Variants in KIAA1671 observed in about 807,000 individuals in gnomAD.
KIAA1671 encodes the protein uncharacterized protein KIAA1671.
In KIAA1671, 52 loss-of-function variants were observed where a neutral mutation model predicts 131.2. The ratio of observed to expected loss-of-function variants is 0.40; its 90% confidence interval spans 0.32 to 0.50. KIAA1671 has a LOEUF of 0.50. KIAA1671 is among the 20% of genes least tolerant of loss of function. The pLI, the probability that KIAA1671 is intolerant of heterozygous loss-of-function variation, is 0.73. For synonymous variants in KIAA1671, 1,003 were observed against 961.6 expected (o/e 1.04, Z -0.80); for missense variants, 2,360 against 2,364.2 (o/e 1.00, Z 0.04).
At chr22:25,153,224 A>G (rs1933107811) in intron 6 of KIAA1671, among the ~76,000 whole-genome samples, 1 of 152,150 alleles carries the variant, frequency 6.6e-6, no homozygotes, top group African/African-American at 2.4e-5. Context: ...CACATCCCCC[A>G]AGAAACAATT....
chr22:25,112,818 T>G (rs1405934814), intron 6 of KIAA1671: 1 of 157,082 alleles, frequency 6.4e-6, no homozygotes, highest in East Asian at 1.8e-4. Context: ...TAGTGGCACC[T>G]GCCTCATCTC....
At chr22:25,142,795 G>C (rs1932825742) in intron 6 of KIAA1671, among the ~76,000 whole-genome samples, 1 of 152,174 alleles carries the variant, frequency 6.6e-6, no homozygotes, top group Non-Finnish European at 1.5e-5. Flanking sequence ...CTTGAACCCG[G>C]GAGGTAGAGG....
intron 1 of KIAA1671, among the ~76,000 whole-genome samples, chr22:25,015,613 CA>C: frequency 6.6e-6 from 1 of 152,276 alleles, no homozygotes; most frequent in East Asian, 1.9e-4. Flanking sequence ...GCCTAAAAGG[CA>C]AATCAGCATA....
At chr22:25,060,398 G>T (rs1928096684) in intron 6 of KIAA1671, 1 of 152,246 alleles carries the variant, frequency 6.6e-6, no homozygotes, top group Admixed American at 6.5e-5. Context: ...GGCCAGGCTG[G>T]TCTCAAACTC....
intron 6 of KIAA1671, among the ~76,000 whole-genome samples, chr22:25,154,686 G>T (rs186532127): frequency 3.9e-5 from 6 of 152,286 alleles, no homozygotes; most frequent in East Asian, 1.9e-4. Context: ...CTGGGGTGGG[G>T]TGTTCATCAA....
At chr22:25,140,088 C>T (rs1932784575) in intron 6 of KIAA1671, among the ~76,000 whole-genome samples, 1 of 152,238 alleles carries the variant, frequency 6.6e-6, no homozygotes, top group South Asian at 2.1e-4. Context: ...GGGTCCTCTG[C>T]ATAGAGTCTC....
chr22:25,094,088 C>T (rs1008323143), intron 6 of KIAA1671, among the ~76,000 whole-genome samples: 1 of 152,148 alleles, frequency 6.6e-6, no homozygotes, highest in African/African-American at 2.4e-5. Context: ...AAGCATCGTT[C>T]TTGTTTTCGA....
intron 6 of KIAA1671, among the ~76,000 whole-genome samples, chr22:25,086,158 A>G (rs567907662): frequency 6.6e-6 from 1 of 152,368 alleles, no homozygotes; most frequent in East Asian, 1.9e-4. Context: ...ACAGAACTGA[A>G]TGAAAGAGTG....
chr22:24,954,218 A>G (rs1313057875), intron 1 of KIAA1671, among the ~76,000 whole-genome samples: 1 of 152,146 alleles, frequency 6.6e-6, no homozygotes, highest in Non-Finnish European at 1.5e-5. Flanking sequence ...AGAAGCTCTG[A>G]GGTTTGGCTA....
At chr22:25,109,560 G>T (rs546857875) in intron 6 of KIAA1671, among the ~76,000 whole-genome samples, 3 of 152,194 alleles carry the variant, frequency 2.0e-5, no homozygotes, top group Non-Finnish European at 4.4e-5. Flanking sequence ...GGTCATCTTG[G>T]AGGACATCTA....
intron 6 of KIAA1671, chr22:25,112,545 C>T: frequency 2.5e-6 from 1 of 397,118 alleles, no homozygotes; most frequent in Admixed American, 4.4e-5. Context: ...GGGTCCCAGA[C>T]ATCAAACCGG....
At chr22:25,179,784 A>G (rs1351636651) in intron 9 of KIAA1671, among the ~76,000 whole-genome samples, 3 of 152,160 alleles carry the variant, frequency 2.0e-5, no homozygotes, top group African/African-American at 2.4e-5. Flanking sequence ...CCACCCCTGT[A>G]TTCTCTTTAG....
At position 25,189,329 on chromosome 22, in the gene KIAA1671, C is replaced by T. The variant is rs562709290; in HGVS notation, c.5343-1373C>T. 6.6e-5 allele frequency among the ~76,000 whole-genome samples: 10 copies of T among 151,942 alleles called. 1 individual carries two copies. In the South Asian group the frequency reaches 2.1e-3, roughly 32 times the overall value. On this transcript the variant is annotated intron_variant, in intron 11 of 12. Coordinates refer to ENST00000358431, the MANE Select transcript of KIAA1671 (RefSeq NM_001145206.2). ...CTGGGACTACAGGCACCCACCACCA[C>T]ACCCGGCTAATTTTTTTTTATTTTT...
chr22:25,005,667 C>T (rs556471249), intron 1 of KIAA1671, among the ~76,000 whole-genome samples: 31 of 152,332 alleles, frequency 2.0e-4, no homozygotes, highest in Admixed American at 1.8e-3. Flanking sequence ...GGGACAAAGA[C>T]GCCAAAATAA....
rs1931284715 is a variant in KIAA1671, at chr22:25,110,698, T to A, written c.4531-60122T>A. On this transcript the variant is annotated intron_variant, in intron 6 of 12. Transcript: ENST00000358431. The stretch of plus-strand genomic sequence containing the variant: ...GGACAGAAAACCTGCATGGGTCAGA[T>A]GAGCGGGGCCTGGCCGAGGACAGTG... Among the ~76,000 whole-genome samples, 4 of 152,298 alleles carry A rather than the reference T, an allele frequency of 2.6e-5. No homozygotes were observed. In the Middle Eastern group the frequency reaches 0.01, roughly 389 times the overall value.
Position 25,185,135 on chromosome 22 carries a change from G to A in KIAA1671, c.5342+16G>A, listed in dbSNP as rs1007811279. 2.6e-6 allele frequency: 4 copies of A among 1,534,642 alleles called. No individual in the cohort carries two copies. Among genetic ancestry groups the A allele is most frequent in the South Asian group, 2.4e-5 (2 of 81,904 alleles). ...AGGATGAGAGGTGAGGGGTCTTGGG[G>A]AATGGGGGTCCCTCTCCTTCCAAAC... On this transcript the variant is annotated intron_variant, in intron 11 of 12. Coordinates refer to ENST00000358431, the MANE Select transcript of KIAA1671 (RefSeq NM_001145206.2).
At chr22:25,158,822 G>A (rs915876549) in intron 6 of KIAA1671, among the ~76,000 whole-genome samples, 7 of 152,220 alleles carry the variant, frequency 4.6e-5, no homozygotes, top group African/African-American at 7.2e-5. Flanking sequence ...CATGCAGTAA[G>A]CACCATCCAA....
chr22:25,042,951 A>G (rs1200780864), intron 5 of KIAA1671, among the ~76,000 whole-genome samples: 4 of 151,976 alleles, frequency 2.6e-5, no homozygotes, highest in Non-Finnish European at 5.9e-5. Context: ...TGGAGTATGT[A>G]TTTTCCAATC....
intron 1 of KIAA1671, among the ~76,000 whole-genome samples, chr22:24,997,084 G>A (rs1240971536): frequency 6.6e-6 from 1 of 152,158 alleles, no homozygotes; most frequent in Non-Finnish European, 1.5e-5. Context: ...ACATTGATTT[G>A]CTTCAGCAAA....
Sources: gnomAD v4.1 joint callset for allele counts (sites outside exome capture counted in the v4.1 genomes callset) on GRCh38, gnomAD v4.1.1 for gene constraint, MANE v1.5 for transcripts, NCBI Gene and HGNC (gene_info 2026-07-23, HGNC 2026-07-21) for gene names.